Variants in EDEM1 observed in about 807,000 individuals in gnomAD.
EDEM1 encodes ER degradation enhancing alpha-mannosidase like protein 1.
A neutral mutation model predicts 74.4 loss-of-function variants in EDEM1; 67 were observed. The observed-to-expected ratio is 0.90, with a 90% CI of 0.74 to 1.10. The LOEUF is 1.10. Ranked by LOEUF, EDEM1 falls within the 50% of genes least tolerant of loss-of-function variation. The pLI is 0.00. For synonymous variants in EDEM1, 382 were observed against 335.9 expected (o/e 1.14, Z -1.50); for missense variants, 926 against 851.6 (o/e 1.09, Z -1.09).
intron 10 of EDEM1, among the ~76,000 whole-genome samples, chr3:5,212,668 A>C (rs2055182077): frequency 6.6e-6 from 1 of 152,230 alleles, no homozygotes; most frequent in African/African-American, 2.4e-5. Context: ...GTATTCATTC[A>C]TTCAACATTC....
chr3:5,193,722 C>G (rs2054929284), intron 1 of EDEM1, among the ~76,000 whole-genome samples: 1 of 152,180 alleles, frequency 6.6e-6, no homozygotes, highest in African/African-American at 2.4e-5. Context: ...CTCAGCCTCC[C>G]TAGTAGCTGG....
At chr3:5,202,064 T>C (rs2055041209) in intron 4 of EDEM1, 140 bp downstream of exon 4, 8 of 1,055,334 alleles carry the variant, frequency 7.6e-6, no homozygotes, top group Non-Finnish European at 1.1e-5. Flanking sequence ...GAATTTGGCC[T>C]TAAATATGAT....
rs148258830 is a variant in EDEM1 at position 5,214,216 on chromosome 3, T to C, written c.1884+694T>C. Among the ~76,000 whole-genome samples, 170 of 152,298 alleles carry C rather than the reference T, an allele frequency of 1.1e-3. 3 individuals are homozygous for C. The East Asian group carries it at 0.028, about 25-fold the overall frequency. The stretch of plus-strand genomic sequence containing the variant: ...GGTAGTTGTGTTGATTTGAATCAAA[T>C]AGGATGATTTGGAAGTGAGGATAGG... On this transcript the variant is annotated intron_variant, in intron 11 of 11. Coordinates refer to ENST00000256497, the MANE Select transcript of EDEM1 (RefSeq NM_014674.3).
intron 8 of EDEM1, among the ~76,000 whole-genome samples, chr3:5,209,540 A>C (rs1015689543): frequency 3.3e-5 from 5 of 152,220 alleles, no homozygotes; most frequent in Admixed American, 1.3e-4. Flanking sequence ...TTGTTGCTGC[A>C]ATCTGGCACT....
intron 6 of EDEM1, among the ~76,000 whole-genome samples, chr3:5,206,077 T>C (rs1343200159): frequency 4.0e-5 from 6 of 151,666 alleles, no homozygotes; most frequent in Admixed American, 2.0e-4. Flanking sequence ...AGTTACCACA[T>C]TTTTTTTTCT....
intron 9 of EDEM1, 57 bp from the exon 10 acceptor site, chr3:5,211,063 G>A (rs1194329804): frequency 2.0e-6 from 3 of 1,473,522 alleles, no homozygotes; most frequent in Admixed American, 1.7e-5. Flanking sequence ...TGCTTCTTAA[G>A]TGAATCAGCA....
chr3:5,207,030 A>G, intron 6 of EDEM1, 123 bp from the exon 7 acceptor site: 1 of 1,327,576 alleles, frequency 7.5e-7, no homozygotes, highest in Non-Finnish European at 1.0e-6. Context: ...GGTTTAAGGA[A>G]TGAGTTAGGA....
intron 1 of EDEM1, among the ~76,000 whole-genome samples, chr3:5,190,637 C>T (rs1470608322): frequency 6.6e-6 from 1 of 152,080 alleles, no homozygotes; most frequent in African/African-American, 2.4e-5. Context: ...TGCTTTGAGA[C>T]AGATGTGTTA....
At chr3:5,215,719 C>A in intron 11 of EDEM1, 110 bp from the exon 12 acceptor site, 1 of 1,024,986 alleles carries the variant, frequency 9.8e-7, no homozygotes, top group Non-Finnish European at 1.5e-6. Flanking sequence ...CAGTTACTTC[C>A]AAACGTCAGT....
intron 1 of EDEM1, among the ~76,000 whole-genome samples, chr3:5,194,520 T>G (rs1379275198): frequency 6.6e-6 from 1 of 152,184 alleles, no homozygotes; most frequent in Non-Finnish European, 1.5e-5. Flanking sequence ...TGTTTCAGAA[T>G]GGAAAATTGG....
chr3:5,197,841 T>C (rs893871696), intron 2 of EDEM1, among the ~76,000 whole-genome samples: 1 of 152,162 alleles, frequency 6.6e-6, no homozygotes, highest in Non-Finnish European at 1.5e-5. Context: ...ACTCTGTAGG[T>C]TACAGCAAAA....
intron 7 of EDEM1, 26 bp from the exon 8 acceptor site, chr3:5,208,067 C>T: frequency 6.4e-7 from 1 of 1,566,134 alleles, no homozygotes; most frequent in East Asian, 2.3e-5. Flanking sequence ...GGTATCTCAG[C>T]CTGATGACCT....
Position 5,210,204 on chromosome 3 carries a change from A to G in EDEM1, c.1539A>G (p.Val513=), listed in dbSNP as rs910066237. The change falls in exon 9 of 12, where the codon GTA becomes GTG. Residue 513 remains valine, a synonymous_variant. Transcript: ENST00000256497. The part of the protein sequence containing the change: ...QATKNPFYLH[V]GMDILQSLEK... ...CCAAGAATCCCTTCTACCTCCATGT[A>G]GGAATGGATATTCTGCAGAGTCTGG... 4 of 1,614,096 alleles carry G rather than the reference A, an allele frequency of 2.5e-6. No homozygotes were observed. The highest frequency in any genetic ancestry group is 2.7e-5 in the African/African-American group (2 of 74,956).
At chr3:5,195,409 G>C (rs1180038622) in intron 2 of EDEM1, 128 bp downstream of exon 2, 7 of 448,756 alleles carry the variant, frequency 1.6e-5, no homozygotes, top group African/African-American at 1.4e-4. Context: ...TTTGATAACT[G>C]TTATTTATTT....
At chr3:5,196,097 G>T (rs2054963061) in intron 2 of EDEM1, among the ~76,000 whole-genome samples, 1 of 152,202 alleles carries the variant, frequency 6.6e-6, no homozygotes, top group Non-Finnish European at 1.5e-5. Flanking sequence ...TAGCCCAAAT[G>T]TTGTACTTTT....
At chr3:5,195,341 A>G in intron 2 of EDEM1, 60 bp downstream of exon 2, 1 of 1,062,156 alleles carries the variant, frequency 9.4e-7, no homozygotes, top group African/African-American at 1.6e-5. Context: ...GATTATCCCT[A>G]GTTCCCTCCA....
intron 8 of EDEM1, 97 bp from the exon 9 acceptor site, chr3:5,210,078 C>A: frequency 9.4e-7 from 1 of 1,067,500 alleles, no homozygotes; most frequent in Non-Finnish European, 1.4e-6. Context: ...TGGCTGGCGA[C>A]TCGTCTCCAT....
intron 1 of EDEM1, among the ~76,000 whole-genome samples, chr3:5,193,410 T>C (rs1187764353): frequency 6.6e-6 from 1 of 152,180 alleles, no homozygotes; most frequent in African/African-American, 2.4e-5. Flanking sequence ...TTTGAATCCA[T>C]AGCTCTTGCT....
chr3:5,199,716 A>G (rs763118091), intron 3 of EDEM1, 21 bp downstream of exon 3: 14 of 1,578,578 alleles, frequency 8.9e-6, no homozygotes, highest in Admixed American at 1.8e-5. Flanking sequence ...GAATATTCAT[A>G]AAATGAATTG....
Sources: gnomAD v4.1 joint callset for allele counts (sites outside exome capture counted in the v4.1 genomes callset) on GRCh38, gnomAD v4.1.1 for gene constraint, MANE v1.5 for transcripts, NCBI Gene and HGNC (gene_info 2026-07-23, HGNC 2026-07-21) for gene names.